MROH9: variants seen among roughly 807,000 people sequenced by gnomAD.
MROH9 encodes the protein maestro heat like repeat family member 9.
In MROH9, 92 loss-of-function variants were observed where a neutral mutation model predicts 98.2. The observed-to-expected ratio is 0.94, with a 90% CI of 0.79 to 1.11. MROH9 has a LOEUF of 1.11. Ranked by LOEUF, MROH9 falls within the 50% of genes most tolerant of loss-of-function variation. MROH9 has a pLI of 0.00. For synonymous variants in MROH9, 397 were observed against 368.9 expected (o/e 1.08, Z -0.87); for missense variants, 1,057 against 1,014.8 (o/e 1.04, Z -0.57).
At chr1:171,030,308 G>T (rs1350763239) in intron 20 of MROH9, among the ~76,000 whole-genome samples, 1 of 151,936 alleles carries the variant, frequency 6.6e-6, no homozygotes, top group Non-Finnish European at 1.5e-5. Context: ...TCTGGTCTTA[G>T]TTACTTATTG....
intron 1 of MROH9, among the ~76,000 whole-genome samples, chr1:170,937,515 A>ATTTTT (rs71125282): frequency 7.0e-5 from 8 of 113,560 alleles, no homozygotes; most frequent in Non-Finnish European, 8.6e-5. Context: ...CATAATCAGT[A>ATTTTT]TTTTTTTTTT....
At position 170,968,292 on chromosome 1, in the gene MROH9, T is replaced by A. The variant is rs140636751; in HGVS notation, c.480+3037T>A. On this transcript the variant is annotated intron_variant, in intron 7 of 21. Coordinates refer to ENST00000367759, the MANE Select transcript of MROH9 (RefSeq NM_001163629.2). ...AAGAACCTACATTGTCCCGCATTCCTCTTGACACACATTGGCAGACAGAAG... is the reference window on the plus strand; with the variant it reads ...AAGAACCTACATTGTCCCGCATTCCACTTGACACACATTGGCAGACAGAAG... Among the ~76,000 whole-genome samples the A allele has an allele frequency of 9.2e-3, 1,403 of 152,320 alleles. 11 individuals carry two copies. Among genetic ancestry groups the A allele is most frequent in the Middle Eastern group, 0.061 (18 of 294 alleles).
chr1:171,003,943 A>T (rs1275741866), intron 15 of MROH9, among the ~76,000 whole-genome samples: 1 of 151,950 alleles, frequency 6.6e-6, no homozygotes, highest in African/African-American at 2.4e-5. Flanking sequence ...TGGGGGTGAG[A>T]GTCCCAAGTC....
intron 3 of MROH9, among the ~76,000 whole-genome samples, chr1:170,948,580 T>C (rs916865031): frequency 6.6e-6 from 1 of 152,132 alleles, no homozygotes; most frequent in Non-Finnish European, 1.5e-5. Flanking sequence ...TTAAATATTA[T>C]GCTATCTTTT....
At chr1:170,961,751 A>G (rs1239032193) in intron 5 of MROH9, 139 bp from the exon 6 acceptor site, 2 of 418,086 alleles carry the variant, frequency 4.8e-6, no homozygotes, top group Non-Finnish European at 8.7e-6. Flanking sequence ...ATTTGATGTT[A>G]AGTATTTTCT....
chr1:170,947,858 A>G (rs994319576), intron 3 of MROH9, among the ~76,000 whole-genome samples: 2 of 151,894 alleles, frequency 1.3e-5, no homozygotes, highest in African/African-American at 4.8e-5. Flanking sequence ...TCCTCCATCA[A>G]CTGACTGGTC....
At chr1:170,951,679 G>C (rs1482196993) in intron 3 of MROH9, among the ~76,000 whole-genome samples, 1 of 152,138 alleles carries the variant, frequency 6.6e-6, no homozygotes, top group Admixed American at 6.5e-5. Flanking sequence ...CAAGGTGCGT[G>C]AATGTGATTC....
intron 6 of MROH9, among the ~76,000 whole-genome samples, chr1:170,963,142 A>C (rs961716141): frequency 6.6e-6 from 1 of 152,096 alleles, no homozygotes; most frequent in Non-Finnish European, 1.5e-5. Flanking sequence ...CAAGAAAAAA[A>C]AAAACTCCAT....
At chr1:170,944,497 T>C (rs1469293297) in intron 1 of MROH9, among the ~76,000 whole-genome samples, 1 of 152,018 alleles carries the variant, frequency 6.6e-6, no homozygotes, top group South Asian at 2.1e-4. Context: ...GTTAAATCAC[T>C]AGTAAAGTCC....
chr1:171,057,871 T>G (rs1192205734), intron 20 of MROH9, among the ~76,000 whole-genome samples: 2 of 152,008 alleles, frequency 1.3e-5, no homozygotes, highest in African/African-American at 2.4e-5. Flanking sequence ...CAAAATAAGC[T>G]TCATAAGTGA....
chr1:171,002,300 A>G lies in MROH9; in HGVS notation c.1596+4026A>G, dbSNP rs1203679431. On this transcript the variant is annotated intron_variant, in intron 15 of 21. Coordinates refer to ENST00000367759, the MANE Select transcript of MROH9 (RefSeq NM_001163629.2). ...TCATCATGCTCTTTTTTGCCTGTGT[A>G]TTTTGTTTTTTGTTTTTGCTTTTTA... Among the ~76,000 whole-genome samples the G allele has an allele frequency of 1.3e-5, 2 of 151,692 alleles. 1 individual carries two copies.
intron 7 of MROH9, among the ~76,000 whole-genome samples, chr1:170,968,143 T>C (rs1049008440): frequency 1.3e-5 from 2 of 152,048 alleles, no homozygotes; most frequent in South Asian, 2.1e-4. Flanking sequence ...GAAAGAAAAG[T>C]AGTGTGCCCT....
chr1:171,033,569 T>G (rs1204816975), intron 20 of MROH9, among the ~76,000 whole-genome samples: 1 of 152,198 alleles, frequency 6.6e-6, no homozygotes, highest in African/African-American at 2.4e-5. Context: ...CTTCTCTCTG[T>G]GGGTCACGCC....
At chr1:171,022,735 T>G (rs1353935802) in intron 17 of MROH9, among the ~76,000 whole-genome samples, 1 of 152,066 alleles carries the variant, frequency 6.6e-6, no homozygotes, top group Non-Finnish European at 1.5e-5. Flanking sequence ...CTAAACTTTC[T>G]GCACTTGTAT....
At chr1:170,982,714 A>G (rs1203791898) in intron 8 of MROH9, among the ~76,000 whole-genome samples, 2 of 152,010 alleles carry the variant, frequency 1.3e-5, no homozygotes, top group African/African-American at 4.8e-5. Context: ...ACATAGTGCG[A>G]CCCTATCTCT....
At chr1:171,033,453 T>C (rs1406929164) in intron 20 of MROH9, among the ~76,000 whole-genome samples, 1 of 152,162 alleles carries the variant, frequency 6.6e-6, no homozygotes, top group Non-Finnish European at 1.5e-5. Context: ...AAAGCACAGT[T>C]TCCTGGATGG....
At chr1:171,058,048 G>A (rs1653900942) in intron 20 of MROH9, among the ~76,000 whole-genome samples, 1 of 152,128 alleles carries the variant, frequency 6.6e-6, no homozygotes. Flanking sequence ...GGAAGTCAAA[G>A]TGTCTCTGTT....
rs1649787407 is a variant in MROH9 at position 170,956,974 on chromosome 1, GT to G, written c.73-1483del. ...TTTTTGTATGTATTTTTTGGAAAAA[GT>G]TTTATTCAGGTCTTTTGCCCATTTG... On this transcript the variant is annotated intron_variant, in intron 3 of 21. Transcript: ENST00000367759. Among the ~76,000 whole-genome samples, 3 of 144,004 alleles carry G rather than the reference GT, an allele frequency of 2.1e-5. No individual in the cohort carries two copies. The South Asian group carries it at 6.7e-4, about 32-fold the overall frequency. 94.5% of individuals were successfully genotyped at this position (144,004 alleles called of 152,430 possible).
intron 9 of MROH9, among the ~76,000 whole-genome samples, chr1:170,985,601 T>C (rs1651102205): frequency 6.6e-6 from 1 of 152,228 alleles, no homozygotes; most frequent in South Asian, 2.1e-4. Context: ...AGATACTAAA[T>C]TTCTTGTTGA....
Sources: allele counts gnomAD v4.1 joint callset (sites outside exome capture counted in the v4.1 genomes callset), GRCh38; gene constraint gnomAD v4.1.1; transcripts MANE v1.5; gene names NCBI Gene and HGNC (gene_info 2026-07-23, HGNC 2026-07-21).